The following PRR11 variants were observed in gnomAD, a reference collection of about 807,000 sequenced individuals.
The protein encoded by PRR11 is proline rich 11.
Under a neutral mutation model 45.6 loss-of-function variants are expected in PRR11, and 30 were observed. That is an observed-to-expected ratio of 0.66 (90% confidence interval 0.49 to 0.89). The LOEUF (loss-of-function observed/expected upper bound fraction) is 0.89, where lower values mean the gene tolerates loss of function less well. Ranked by LOEUF, PRR11 falls within the 40% of genes least tolerant of loss-of-function variation. PRR11 has a pLI of 0.00. For missense variants in PRR11, 373 were observed against 424.8 expected (o/e 0.88, Z 1.07); for synonymous variants, 128 against 153.5 (o/e 0.83, Z 1.23).
chr17:59,172,763 G>T (rs1273752434), intron 2 of PRR11, among the ~76,000 whole-genome samples: 1 of 152,218 alleles, frequency 6.6e-6, no homozygotes, highest in Non-Finnish European at 1.5e-5. Context: ...TCCCCGTGGG[G>T]CAGGGCTCGG....
intron 1 of PRR11, among the ~76,000 whole-genome samples, chr17:59,162,435 C>A (rs1162825868): frequency 6.6e-6 from 1 of 152,002 alleles, no homozygotes; most frequent in Non-Finnish European, 1.5e-5. Context: ...TGGTGGTACT[C>A]AAATTTTCCA....
intron 1 of PRR11, among the ~76,000 whole-genome samples, chr17:59,163,191 A>G (rs1359471920): frequency 2.6e-5 from 4 of 151,984 alleles, no homozygotes; most frequent in Non-Finnish European, 5.9e-5. Flanking sequence ...CCCGGGTTCA[A>G]GAGATTCTCC....
At chr17:59,173,910 C>A (rs535470436) in intron 2 of PRR11, among the ~76,000 whole-genome samples, 3 of 152,130 alleles carry the variant, frequency 2.0e-5, no homozygotes, top group African/African-American at 7.2e-5. Context: ...CCCCTGGATC[C>A]GGTGTTCTGG....
intron 4 of PRR11, among the ~76,000 whole-genome samples, chr17:59,186,825 T>G (rs1453501835): frequency 2.0e-5 from 3 of 151,860 alleles, no homozygotes; most frequent in African/African-American, 7.3e-5. Flanking sequence ...CCACTACAAA[T>G]CAATACAAAA....
rs2046894068 is a variant in PRR11 at position 59,201,860 on chromosome 17, A to C, written c.*229A>C. ...GTGGCGGGTGCCTGTAATCCCAGCT[A>C]TGCGGGAGGCTAAGGCAGGAGAATT... On this transcript the variant is annotated 3_prime_UTR_variant, in exon 10 of 10. Coordinates refer to ENST00000262293, the MANE Select transcript of PRR11 (RefSeq NM_018304.4). 2.1e-6 allele frequency: 1 copy of C among 465,436 alleles called. No homozygotes were observed. Among genetic ancestry groups the C allele is most frequent in the African/African-American group, 2.0e-5 (1 of 50,870 alleles). 28.8% of individuals were successfully genotyped at this position (465,436 alleles called of 1,614,324 possible).
chr17:59,163,462 T>C (rs1351691274), intron 1 of PRR11: 1 of 152,240 alleles, frequency 6.6e-6, no homozygotes, highest in African/African-American at 2.4e-5. Flanking sequence ...TTATACAACT[T>C]TTTTCCTAGC....
rs2147859446 is a variant in PRR11, at chr17:59,203,408, A to G, written c.*1777A>G. 1 of 152,256 alleles carries G rather than the reference A, an allele frequency of 6.6e-6. No homozygotes were observed. Among genetic ancestry groups the G allele is most frequent in the African/African-American group, 2.4e-5 (1 of 41,554 alleles). 9.4% of individuals were successfully genotyped at this position (152,256 alleles called of 1,614,324 possible). A position where few individuals can be genotyped will look rare whatever the true frequency, so the allele number is the denominator to read the frequency against. ...CCTGACTAATTTTTGTATTTCTAGT[A>G]AAGATGGGGTTTCACTATGTTGGCC... is the stretch of plus-strand genomic sequence containing the variant. On this transcript the variant is annotated 3_prime_UTR_variant, in exon 10 of 10. Coordinates refer to ENST00000262293, the MANE Select transcript of PRR11 (RefSeq NM_018304.4).
chr17:59,162,983 G>A (rs1419964419), intron 1 of PRR11, among the ~76,000 whole-genome samples: 1 of 151,870 alleles, frequency 6.6e-6, no homozygotes, highest in African/African-American at 2.4e-5. Context: ...GCCTGCCTCA[G>A]CCTCTCAAAG....
chr17:59,180,510 G>GTTTTTTTT (rs1555716481), intron 2 of PRR11, among the ~76,000 whole-genome samples: 2 of 108,634 alleles, frequency 1.8e-5, no homozygotes, highest in African/African-American at 4.4e-5. Flanking sequence ...TTTTTTTTTT[G>GTTTTTTTT]TTTTTTTTGT....
At chr17:59,196,916 C>G (rs1179614340) in intron 7 of PRR11, among the ~76,000 whole-genome samples, 1 of 151,784 alleles carries the variant, frequency 6.6e-6, no homozygotes, top group African/African-American at 2.4e-5. Context: ...GTGGCACAAG[C>G]TCGGCTCACT....
intron 2 of PRR11, among the ~76,000 whole-genome samples, chr17:59,171,056 G>A (rs1277505877): frequency 2.0e-5 from 3 of 151,846 alleles, no homozygotes; most frequent in Non-Finnish European, 2.9e-5. Context: ...TCAGGAGATC[G>A]AGACCATCCT....
At chr17:59,189,986 GTTTTC>G (rs1599704992) in intron 4 of PRR11, among the ~76,000 whole-genome samples, 3 of 151,722 alleles carry the variant, frequency 2.0e-5, no homozygotes, top group African/African-American at 7.2e-5. Context: ...AAAAAAAAAA[GTTTTC>G]TTTTATTTTA....
chr17:59,177,311 C>A (rs1235950628), intron 2 of PRR11: 1 of 541,610 alleles, frequency 1.8e-6, no homozygotes, highest in Non-Finnish European at 3.7e-6. Context: ...AGAGGAAGAT[C>A]GTGGAGACAG....
chr17:59,167,036 C>A (rs2046683372), intron 1 of PRR11, among the ~76,000 whole-genome samples: 3 of 151,976 alleles, frequency 2.0e-5, no homozygotes, highest in African/African-American at 7.3e-5. Flanking sequence ...GGATGGCGGG[C>A]ACCTGTAGTA....
At chr17:59,172,463 G>A (rs544613395) in intron 2 of PRR11, among the ~76,000 whole-genome samples, 1 of 152,240 alleles carries the variant, frequency 6.6e-6, no homozygotes, top group Non-Finnish European at 1.5e-5. Context: ...CACTGTGGGA[G>A]CCCCTTTCTG....
intron 1 of PRR11, among the ~76,000 whole-genome samples, chr17:59,168,558 C>A (rs1286142686): frequency 6.6e-6 from 1 of 151,672 alleles, no homozygotes; most frequent in Admixed American, 6.6e-5. Flanking sequence ...AGTGTGGTGG[C>A]GTGTGCCTGT....
chr17:59,197,495 C>T, intron 7 of PRR11, 49 bp from the exon 8 acceptor site: 1 of 1,515,414 alleles, frequency 6.6e-7, no homozygotes, highest in Non-Finnish European at 9.1e-7. Flanking sequence ...TTGTGATCCA[C>T]CTGCCTCAGC....
Position 59,159,405 on chromosome 17 carries a change from A to G in PRR11, c.-6+3600A>G, listed in dbSNP as rs114845893. ...CCTGAACTTCTGACTTTGAACATAG[A>G]ACATAAGCAGTTAGATGTATTTAGA... On this transcript the variant is annotated intron_variant, in intron 1 of 9. Transcript: ENST00000262293. Among the ~76,000 whole-genome samples, 1,081 of 152,292 alleles carry G rather than the reference A, an allele frequency of 7.1e-3. 9 individuals carry two copies. The highest frequency in any genetic ancestry group is 0.024 in the African/African-American group (1,013 of 41,548).
intron 1 of PRR11, among the ~76,000 whole-genome samples, chr17:59,161,268 G>A (rs1402959606): frequency 1.3e-5 from 2 of 151,906 alleles, no homozygotes; most frequent in African/African-American, 2.4e-5. Context: ...TTAGCTGGGC[G>A]TGGTAGTGTG....
Sources: gnomAD v4.1 joint callset for allele counts (sites outside exome capture counted in the v4.1 genomes callset) on GRCh38, gnomAD v4.1.1 for gene constraint, MANE v1.5 for transcripts, NCBI Gene and HGNC (gene_info 2026-07-23, HGNC 2026-07-21) for gene names.